Variants in THSD7A observed in about 807,000 individuals in gnomAD.
The protein encoded by THSD7A is thrombospondin type 1 domain containing 7A.
In THSD7A, 96 loss-of-function variants were observed where a neutral mutation model predicts 231.3. That is an observed-to-expected ratio of 0.41 (90% CI 0.35 to 0.49). THSD7A has a LOEUF of 0.49. THSD7A is among the 20% of genes least tolerant of loss of function. THSD7A has a pLI of 0.05. For synonymous variants in THSD7A, 940 were observed against 743.3 expected (o/e 1.26, Z -4.30); for missense variants, 2,290 against 2,070.2 (o/e 1.11, Z -2.06).
chr7:11,544,207 T>C (rs761412259), intron 4 of THSD7A, among the ~76,000 whole-genome samples: 17 of 152,078 alleles, frequency 1.1e-4, no homozygotes, highest in Non-Finnish European at 2.2e-4. Flanking sequence ...CTGGGCGTGG[T>C]GGTGCACACC....
intron 1 of THSD7A, among the ~76,000 whole-genome samples, chr7:11,775,068 C>CA (rs200826121): frequency 6.6e-6 from 1 of 151,738 alleles, no homozygotes; most frequent in Non-Finnish European, 1.5e-5. Context: ...ACAAAACAAA[C>CA]AAAAAACAAA....
At chr7:11,418,466 C>A (rs371337712) in intron 16 of THSD7A, among the ~76,000 whole-genome samples, 1 of 152,276 alleles carries the variant, frequency 6.6e-6, no homozygotes, top group East Asian at 1.9e-4. Flanking sequence ...CTTTATCTCT[C>A]ATGTGTAACT....
intron 13 of THSD7A, among the ~76,000 whole-genome samples, chr7:11,443,917 G>A (rs1206148044): frequency 6.6e-6 from 1 of 151,994 alleles, no homozygotes; most frequent in Non-Finnish European, 1.5e-5. Context: ...AAGGACAAGA[G>A]TTTTAGAAAC....
chr7:11,375,749 G>T lies in THSD7A; in HGVS notation c.*45C>A. The T allele has an allele frequency of 6.6e-7, 1 of 1,524,978 alleles. No homozygotes were observed. The highest frequency in any genetic ancestry group is 9.1e-7 in the Non-Finnish European group (1 of 1,101,562). 94.5% of individuals were successfully genotyped at this position (1,524,978 alleles called of 1,614,324 possible). ...TTTGTTGTGGCCTCTGGACATCTAT[G>T]AAGTCAGAAAGCCGAAACTGGTTGT... On this transcript the variant is annotated 3_prime_UTR_variant, in exon 28 of 28. Transcript: ENST00000423059.
chr7:11,646,665 C>T (rs909037782), intron 1 of THSD7A, among the ~76,000 whole-genome samples: 18 of 152,006 alleles, frequency 1.2e-4, no homozygotes, highest in African/African-American at 4.3e-4. Context: ...AACAGTCCGA[C>T]TTGATGCTAA....
intron 22 of THSD7A, among the ~76,000 whole-genome samples, chr7:11,404,978 G>C (rs1353383644): frequency 6.6e-6 from 1 of 152,080 alleles, no homozygotes; most frequent in East Asian, 1.9e-4. Context: ...TTTAGTTCTT[G>C]ACCTGAAGTA....
At chr7:11,435,765 G>A (rs979195990) in intron 13 of THSD7A, among the ~76,000 whole-genome samples, 4 of 151,988 alleles carry the variant, frequency 2.6e-5, no homozygotes, top group African/African-American at 9.7e-5. Context: ...TCTGTCAGCT[G>A]TTCTAGTGAA....
intron 1 of THSD7A, among the ~76,000 whole-genome samples, chr7:11,707,618 C>T (rs981192755): frequency 6.6e-6 from 1 of 150,800 alleles, no homozygotes; most frequent in Non-Finnish European, 1.5e-5. Flanking sequence ...TAAGATCCTC[C>T]CCAGACAGGA....
intron 6 of THSD7A, among the ~76,000 whole-genome samples, chr7:11,501,520 C>T (rs1787335770): frequency 6.6e-6 from 1 of 152,060 alleles, no homozygotes; most frequent in Admixed American, 6.6e-5. Context: ...CAACATGCTC[C>T]TGAATGGCTT....
intron 1 of THSD7A, among the ~76,000 whole-genome samples, chr7:11,819,035 G>A (rs1030001463): frequency 1.3e-5 from 2 of 152,114 alleles, no homozygotes; most frequent in Admixed American, 1.3e-4. Flanking sequence ...TTAAAAGAAT[G>A]CAGATCTATC....
chr7:11,707,153 C>T (rs886867180), intron 1 of THSD7A, among the ~76,000 whole-genome samples: 2 of 150,806 alleles, frequency 1.3e-5, no homozygotes, highest in African/African-American at 4.8e-5. Flanking sequence ...TGCAAAGCAA[C>T]CACTTTCAAG....
chr7:11,784,343 A>C (rs1372532168), intron 1 of THSD7A, among the ~76,000 whole-genome samples: 1 of 151,756 alleles, frequency 6.6e-6, no homozygotes, highest in East Asian at 1.9e-4. Flanking sequence ...GAAACTGATG[A>C]AAAATTTTGC....
intron 1 of THSD7A, among the ~76,000 whole-genome samples, chr7:11,673,468 G>C (rs1418173412): frequency 6.6e-6 from 1 of 152,124 alleles, no homozygotes; most frequent in African/African-American, 2.4e-5. Flanking sequence ...TGTCTGCCAG[G>C]CTTGGAAATT....
chr7:11,681,602 A>G (rs1783872664), intron 1 of THSD7A, among the ~76,000 whole-genome samples: 1 of 152,060 alleles, frequency 6.6e-6, no homozygotes, highest in Admixed American at 6.6e-5. Flanking sequence ...TCTGAGAACT[A>G]TGGGATGATG....
At chr7:11,587,468 A>G (rs1217449639) in intron 4 of THSD7A, among the ~76,000 whole-genome samples, 4 of 152,190 alleles carry the variant, frequency 2.6e-5, no homozygotes, top group African/African-American at 9.6e-5. Flanking sequence ...CAGTGCAATA[A>G]TAAAATATAG....
chr7:11,625,200 G>A (rs1186694327), intron 2 of THSD7A, among the ~76,000 whole-genome samples: 7 of 151,960 alleles, frequency 4.6e-5, no homozygotes, highest in African/African-American at 1.7e-4. Flanking sequence ...GTTATATGTA[G>A]TCTTTTGAAA....
intron 4 of THSD7A, among the ~76,000 whole-genome samples, chr7:11,586,729 A>G (rs1779925624): frequency 6.6e-6 from 1 of 152,056 alleles, no homozygotes; most frequent in Non-Finnish European, 1.5e-5. Context: ...TGACTATTTT[A>G]TTTTCTTATT....
At chr7:11,746,778 G>T (rs1194675835) in intron 1 of THSD7A, among the ~76,000 whole-genome samples, 1 of 151,730 alleles carries the variant, frequency 6.6e-6, no homozygotes, top group African/African-American at 2.4e-5. Context: ...TCCCTTATTT[G>T]GAAGTGAGTC....
chr7:11,564,425 T>C (rs1790216597), intron 4 of THSD7A, among the ~76,000 whole-genome samples: 1 of 152,198 alleles, frequency 6.6e-6, no homozygotes. Context: ...AGGAGGATAT[T>C]TGAGCGATGG....
Sources: allele counts gnomAD v4.1 joint callset (sites outside exome capture counted in the v4.1 genomes callset), GRCh38; gene constraint gnomAD v4.1.1; transcripts MANE v1.5; gene names NCBI Gene and HGNC (gene_info 2026-07-23, HGNC 2026-07-21).